The following CASKIN1 variants were observed in gnomAD, a reference collection of about 807,000 sequenced individuals.
CASKIN1 encodes caskin-1.
CASKIN1 carries 42 observed loss-of-function variants against 117.5 expected under a neutral mutation model. That is an observed-to-expected ratio of 0.36 (90% CI 0.28 to 0.46). The LOEUF is 0.46. Among genes scored for constraint, CASKIN1 ranks in the 20% least tolerant of loss-of-function variants. The probability of loss-of-function intolerance (pLI) is 1.00; values close to 1 mark genes in which losing one functional copy is unlikely to be tolerated. For missense variants in CASKIN1, 2,083 were observed against 2,077.3 expected, an observed-to-expected ratio of 1.00 and a Z score of -0.05; for synonymous variants, 1,148 against 961.7, an observed-to-expected ratio of 1.19 and a Z score of -3.59.
At position 2,180,251 on chromosome 16, in the gene CASKIN1, C is replaced by A; in HGVS notation, c.3117G>T (p.Arg1039=). The change falls in exon 18 of 20, where the codon CGG becomes CGT. Residue 1039 remains arginine (R), a synonymous_variant. Transcript: ENST00000343516. ...TCACTGAGGCCAGCACGGTGGCCAC[C>A]CGGCCCGGCTCTGGGCTGGCAGGGC... ...TPRPASPEPG[R]VATVLASVKH... 2.6e-6 allele frequency: 4 copies of A among 1,554,752 alleles called. No homozygotes were observed. Among genetic ancestry groups the A allele is most frequent in the Non-Finnish European group, 3.5e-6 (4 of 1,150,660 alleles).
At chr16:2,190,414 C>G (rs2093198480) in intron 1 of CASKIN1, 56 bp from the exon 2 acceptor site, 3 of 1,516,296 alleles carry the variant, frequency 2.0e-6, no homozygotes, top group East Asian at 2.4e-5. Context: ...TCCAGGCGGC[C>G]TGAGGGCAGG....
Position 2,190,448 on chromosome 16 carries a change from G to A in CASKIN1, c.95-90C>T, listed in dbSNP as rs561457842. 5.4e-4 allele frequency: 634 copies of A among 1,184,248 alleles called. 2 individuals carry two copies. The highest frequency in any genetic ancestry group is 7.2e-4 in the Non-Finnish European group (589 of 820,142). 73.4% of individuals were successfully genotyped at this position (1,184,248 alleles called of 1,614,324 possible). The stretch of plus-strand genomic sequence containing the variant: ...GGGAGAGGGGGCCAGCCATCTCCCC[G>A]GCAGGCACAAAGCTGCTGGGCTCTC... On this transcript the variant is annotated intron_variant, in intron 1 of 19. Transcript: ENST00000343516.
At chr16:2,187,609 C>T in intron 6 of CASKIN1, 148 bp from the exon 7 acceptor site, 1 of 642,242 alleles carries the variant, frequency 1.6e-6, no homozygotes, top group South Asian at 1.8e-5. Flanking sequence ...CTGACATTCA[C>T]TGAGTGCTGA....
Position 2,184,769 on chromosome 16 carries a change from C to T in CASKIN1, c.1416+8G>A, listed in dbSNP as rs371555544. ...AGCCCACGCTGAGAACACCCCCAAGCCCTGTACCTTGCCCTCCGATGCTGG... is the reference window on the plus strand; with the variant it reads ...AGCCCACGCTGAGAACACCCCCAAGTCCTGTACCTTGCCCTCCGATGCTGG... On this transcript the variant is annotated splice_region_variant and intron_variant, in intron 14 of 19. Transcript: ENST00000343516. 23 of 1,512,470 alleles carry T rather than the reference C, an allele frequency of 1.5e-5. No individual in the cohort carries two copies. The highest frequency in any genetic ancestry group is 2.0e-5 in the Non-Finnish European group (23 of 1,131,216). 93.7% of individuals were successfully genotyped at this position (1,512,470 alleles called of 1,614,324 possible).
At chr16:2,193,855 G>C (rs560249357) in intron 1 of CASKIN1, among the ~76,000 whole-genome samples, 2 of 152,332 alleles carry the variant, frequency 1.3e-5, no homozygotes, top group Admixed American at 1.3e-4. Flanking sequence ...CCTGTGGGGG[G>C]ACAGTGGGTA....
rs373977263 is a variant in CASKIN1, at chr16:2,187,082, C to T, written c.836-10G>A. ...AGGGCCGCTGAGGCCTCTGGGGATA[C>T]AGGAGGGGGCCCCCGAAGTCCTGCG... On this transcript the variant is annotated splice_polypyrimidine_tract_variant and intron_variant, in intron 8 of 19. Transcript: ENST00000343516. 78 of 1,613,286 alleles carry T rather than the reference C, an allele frequency of 4.8e-5. No individual in the cohort carries two copies. The African/African-American group carries it at 9.2e-4, about 19-fold the overall frequency.
rs1443125184 is a variant in CASKIN1 at position 2,189,576 on chromosome 16, G to A, written c.245-12C>T. 6.3e-7 allele frequency: 1 copy of A among 1,589,400 alleles called. No individual in the cohort carries two copies. Among genetic ancestry groups the A allele is most frequent in the Admixed American group, 1.7e-5 (1 of 58,404 alleles). ...CAGCGGCCGCATGCCTGGGGGGCGA[G>A]GGGATGCTGGGAGCTGACCCTTGAC... On this transcript the variant is annotated splice_polypyrimidine_tract_variant and intron_variant, in intron 3 of 19. Transcript: ENST00000343516.
At chr16:2,194,580 G>A (rs2093210512) in intron 1 of CASKIN1, among the ~76,000 whole-genome samples, 2 of 152,190 alleles carry the variant, frequency 1.3e-5, no homozygotes, top group South Asian at 4.1e-4. Context: ...GTACTTTACT[G>A]AATCAAAATA....
Position 2,180,593 on chromosome 16 carries a change from A to G in CASKIN1, c.2775T>C (p.Gly925=). Reference sequence around the variant, plus strand: ...GGCTGCGGTTGACGTTCTTGTCGGCACCTGCGGGCGCCCTCACTGAGTGGC... The same window carrying G: ...GGCTGCGGTTGACGTTCTTGTCGGCGCCTGCGGGCGCCCTCACTGAGTGGC... ...GRSHSVRAPA[G]ADKNVNRSQS... The change falls in exon 18 of 20, where the codon GGT becomes GGC. Residue 925 remains glycine (G), a synonymous_variant. Transcript: ENST00000343516. 1 of 1,572,706 alleles carries G rather than the reference A, an allele frequency of 6.4e-7. No homozygotes were observed.
intron 1 of CASKIN1, among the ~76,000 whole-genome samples, chr16:2,191,528 A>G (rs1023232111): frequency 2.0e-5 from 3 of 152,202 alleles, no homozygotes; most frequent in East Asian, 3.8e-4. Context: ...ATTCCCAGAC[A>G]TAAAGCGTGC....
chr16:2,179,237 C>G lies in CASKIN1; in HGVS notation c.3864G>C (p.Ala1288=). 8.4e-7 allele frequency: 1 copy of G among 1,195,016 alleles called. No homozygotes were observed. Among genetic ancestry groups the G allele is most frequent in the Non-Finnish European group, 1.0e-6 (1 of 964,810 alleles). 74.0% of individuals were successfully genotyped at this position (1,195,016 alleles called of 1,614,324 possible). A position where few individuals can be genotyped will look rare whatever the true frequency, so the allele number is the denominator to read the frequency against. Residue 1288 remains alanine, a synonymous_variant, in exon 19 of 20, where the codon GCG becomes GCC. Transcript: ENST00000343516. The surrounding 1 kb of genome is among the most constrained non-coding windows in gnomAD (Gnocchi z 5.8). ...GGCCGGCGCTGCCCGAAGGCAGCCC[C>G]GCGACCGCCTTGACGGGCTTGGGCG... ...PTAPKPVKAV[A]GLPSGSAGPS...
chr16:2,189,385 C>T (rs778657370), intron 4 of CASKIN1, 34 bp downstream of exon 4: 12 of 1,609,808 alleles, frequency 7.5e-6, no homozygotes, highest in South Asian at 3.3e-5. Flanking sequence ...CGCGCTGCCC[C>T]GCCCCCGCTG....
intron 6 of CASKIN1, among the ~76,000 whole-genome samples, chr16:2,188,607 T>A (rs1489754063): frequency 6.6e-6 from 1 of 152,160 alleles, no homozygotes; most frequent in African/African-American, 2.4e-5. Context: ...CTCCTTGGCC[T>A]CCCAAAGTGC....
chr16:2,183,697 C>G lies in CASKIN1; in HGVS notation c.1578G>C (p.Ala526=), dbSNP rs146574693. ...GGATGCTTAGGCCGCTGATCTCTGC[C>G]GCGATCTTCTTCCGGTGGCCCGGCT... ...VTKPGHRKKI[A]AEISGLSIPD... The change falls in exon 16 of 20, where the codon GCG becomes GCC. Residue 526 remains alanine, a synonymous_variant. Coordinates refer to ENST00000343516, the MANE Select transcript of CASKIN1 (RefSeq NM_020764.4). The G allele has an allele frequency of 6.2e-7, 1 of 1,613,376 alleles. No individual in the cohort carries two copies. Among genetic ancestry groups the G allele is most frequent in the South Asian group, 1.1e-5 (1 of 91,086 alleles).
Position 2,179,916 on chromosome 16 carries a change from C to T in CASKIN1, c.3452G>A (p.Arg1151Lys). The T allele has an allele frequency of 1.2e-6, 2 of 1,605,498 alleles. No individual in the cohort carries two copies. Among genetic ancestry groups the T allele is most frequent in the Non-Finnish European group, 1.7e-6 (2 of 1,176,522 alleles). ...GGCCTCCCGCTCCTTGGCCTTGGGC[C>T]TGCGCTTGACCGTGTCAGACTCGGT... ...ILTESDTVKR[R>K]PKAKEREAGP... Residue 1151 changes from arginine to lysine, a missense_variant, in exon 18 of 20, where the codon AGG (arginine) becomes AAG (lysine). By Grantham distance (26) the Arg-to-Lys change is conservative (BLOSUM62 2). Transcript: ENST00000343516. The surrounding 1 kb of genome is among the most constrained non-coding windows in gnomAD (Gnocchi z 5.8).
chr16:2,192,325 A>G (rs1485100698), intron 1 of CASKIN1, among the ~76,000 whole-genome samples: 1 of 151,102 alleles, frequency 6.6e-6, no homozygotes, highest in African/African-American at 2.4e-5. Context: ...AGGAGAGAGA[A>G]CATGAATCAG....
rs1485432501 is a variant in CASKIN1, at chr16:2,179,553, A to C, written c.3775+40T>G. ...AGACCACCGAGTAAGGAGGTGGAGC[A>C]GGGTCCTGTTGCCCCTTCACCCCAC... is the stretch of plus-strand genomic sequence containing the variant. On this transcript the variant is annotated intron_variant, in intron 18 of 19. Coordinates refer to ENST00000343516, the MANE Select transcript of CASKIN1 (RefSeq NM_020764.4). The surrounding 1 kb of genome is among the most constrained non-coding windows in gnomAD (Gnocchi z 5.8). The C allele has an allele frequency of 1.4e-6, 2 of 1,416,086 alleles. No homozygotes were observed. Among genetic ancestry groups the C allele is most frequent in the Admixed American group, 6.0e-5 (2 of 33,160 alleles). 87.7% of individuals were successfully genotyped at this position (1,416,086 alleles called of 1,614,324 possible).
intron 19 of CASKIN1, 36 bp from the exon 20 acceptor site, chr16:2,178,682 G>T (rs933188696): frequency 8.4e-6 from 13 of 1,547,750 alleles, no homozygotes; most frequent in Non-Finnish European, 1.0e-5. Context: ...GAGTGGGCGG[G>T]GCGGGTCTGG....
intron 14 of CASKIN1, 103 bp from the exon 15 acceptor site, chr16:2,184,044 G>A (rs926566638): frequency 6.5e-5 from 45 of 695,588 alleles, no homozygotes; most frequent in Middle Eastern, 4.0e-4. Context: ...CAGCCACTGC[G>A]TCCGCCGTCC....
Sources: allele counts gnomAD v4.1 joint callset (sites outside exome capture counted in the v4.1 genomes callset), GRCh38; gene constraint gnomAD v4.1.1; non-coding constraint Gnocchi (gnomAD v3.1); transcripts MANE v1.5; gene names NCBI Gene and HGNC (gene_info 2026-07-23, HGNC 2026-07-21).